The following UFD1 variants were observed in gnomAD, a reference collection of about 807,000 sequenced individuals.
The protein encoded by UFD1 is ubiquitin recognition factor in ER-associated degradation protein 1.
In UFD1, 13 loss-of-function variants were observed where a neutral mutation model predicts 45.9. The ratio of observed to expected loss-of-function variants is 0.28; its 90% CI spans 0.18 to 0.45. The LOEUF (loss-of-function observed/expected upper bound fraction) is 0.45, where lower values mean the gene tolerates loss of function less well. Among genes scored for constraint, UFD1 ranks in the 20% least tolerant of loss-of-function variants. The pLI, the probability that UFD1 is intolerant of heterozygous loss-of-function variation, is 1.00. For synonymous variants in UFD1, 128 were observed against 139.2 expected, an observed-to-expected ratio of 0.92 and a Z score of 0.56; for missense variants, 218 against 389.2, an observed-to-expected ratio of 0.56 and a Z score of 3.70.
intron 11 of UFD1, chr22:19,451,779 CTG>C: frequency 1.0e-6 from 1 of 985,448 alleles, no homozygotes; most frequent in Non-Finnish European, 1.2e-6. Flanking sequence ...GTGTCAATAG[CTG>C]TGTTTGGCTT....
chr22:19,469,517 G>C (rs911456584), intron 4 of UFD1, among the ~76,000 whole-genome samples: 14 of 152,178 alleles, frequency 9.2e-5, no homozygotes, highest in African/African-American at 3.4e-4. Context: ...CAGCATTTTA[G>C]AGCATACAGC....
intron 7 of UFD1, 56 bp from the exon 8 acceptor site, chr22:19,456,974 C>CT (rs1190231727): frequency 8.1e-7 from 1 of 1,240,946 alleles, no homozygotes. Context: ...CCTTGGCTTC[C>CT]TTTTTTGTTT....
Position 19,456,893 on chromosome 22 carries a change from T to C in UFD1, c.590A>G (p.Tyr197Cys). The stretch of plus-strand genomic sequence containing the variant: ...CTGGACTTGTCTTTCGGGTTCTTTG[T>C]AGCCCAGGGGAGCATCAAAGTCCAC... ...MNVDFDAPLG[Y>C]KEPERQVQHE... Residue 197 changes from tyrosine (Y) to cysteine (C), a missense_variant, in exon 8 of 12, where the codon TAC becomes TGC. Transcript: ENST00000263202. The C allele has an allele frequency of 6.2e-7, 1 of 1,608,506 alleles. No homozygotes were observed. The highest frequency in any genetic ancestry group is 8.5e-7 in the Non-Finnish European group (1 of 1,176,860).
chr22:19,478,118 C>T (rs1442778101), intron 1 of UFD1, among the ~76,000 whole-genome samples: 1 of 152,148 alleles, frequency 6.6e-6, no homozygotes, highest in South Asian at 2.1e-4. Context: ...TACTTAACAA[C>T]CTGCCTGCAG....
At chr22:19,451,120 CAAAAAAAA>C (rs34076964) in intron 11 of UFD1, 56 of 864,362 alleles carry the variant, frequency 6.5e-5, no homozygotes, top group African/African-American at 2.3e-4. Context: ...GACCCTGCCT[CAAAAAAAA>C]AAAAAAAAAA....
At chr22:19,474,539 T>A (rs186438746) in intron 3 of UFD1, among the ~76,000 whole-genome samples, 2 of 151,974 alleles carry the variant, frequency 1.3e-5, no homozygotes, top group East Asian at 3.9e-4. Context: ...AGAGCAAAAC[T>A]CTGTCTCAAA....
At position 19,474,403 on chromosome 22, in the gene UFD1, G is replaced by A. The variant is rs534953945; in HGVS notation, c.169+665C>T. The stretch of plus-strand genomic sequence containing the variant: ...CTACTAAAAATACAAAAAATTAGCC[G>A]GGCGTGGTGGCGGGTGCCTGTAATC... On this transcript the variant is annotated intron_variant, in intron 3 of 11. Transcript: ENST00000263202. 1.3e-4 allele frequency among the ~76,000 whole-genome samples: 20 copies of A among 152,172 alleles called. 1 individual carries two copies. Among genetic ancestry groups the A allele is most frequent in the African/African-American group, 1.2e-4 (5 of 41,528 alleles).
intron 4 of UFD1, 97 bp from the exon 5 acceptor site, chr22:19,468,100 C>T (rs1210033774): frequency 8.0e-6 from 12 of 1,504,358 alleles, no homozygotes; most frequent in South Asian, 1.3e-5. Context: ...TTACTTGGGT[C>T]CTTGGAAGAG....
chr22:19,460,452 ACTTTT>A (rs2089757954), intron 6 of UFD1, among the ~76,000 whole-genome samples: 1 of 152,184 alleles, frequency 6.6e-6, no homozygotes, highest in African/African-American at 2.4e-5. Flanking sequence ...TTTTCCATTT[ACTTTT>A]ATGTATTGGC....
rs2089672867 is a variant in UFD1, at chr22:19,450,574, C to T, written c.*96G>A. The T allele has an allele frequency of 2.0e-6, 3 of 1,467,676 alleles. No individual in the cohort carries two copies. The Admixed American group carries it at 5.4e-5, about 26-fold the overall frequency. The allele number at this position is 1,467,676 out of a possible 1,614,324, so 90.9% of individuals were successfully genotyped here. A position where few individuals can be genotyped will look rare whatever the true frequency, so the allele number is the denominator to read the frequency against. ...AATAAATCTTAAGTAACAGAGTATT[C>T]TCTGATGAGGCTCGTCCCTGTCAGT... is the stretch of plus-strand genomic sequence containing the variant. On this transcript the variant is annotated 3_prime_UTR_variant, in exon 12 of 12. Transcript: ENST00000263202.
At chr22:19,477,426 A>C (rs187595371) in intron 1 of UFD1, among the ~76,000 whole-genome samples, 7 of 152,342 alleles carry the variant, frequency 4.6e-5, no homozygotes, top group Admixed American at 2.6e-4. Flanking sequence ...CAAGTGAAGT[A>C]AGTCAGTCAT....
intron 8 of UFD1, 67 bp downstream of exon 8, chr22:19,456,786 A>C: frequency 6.2e-7 from 1 of 1,613,978 alleles, no homozygotes; most frequent in Admixed American, 1.7e-5. Context: ...GCCACCCACG[A>C]GCCACTGCCA....
At chr22:19,468,718 G>A (rs1568900341) in intron 4 of UFD1, among the ~76,000 whole-genome samples, 1 of 152,182 alleles carries the variant, frequency 6.6e-6, no homozygotes, top group Non-Finnish European at 1.5e-5. Context: ...AGCCGTAGAA[G>A]AGAGCTCCCA....
At chr22:19,475,660 A>G in intron 1 of UFD1, 58 bp from the exon 2 acceptor site, 1 of 1,589,790 alleles carries the variant, frequency 6.3e-7, no homozygotes, top group Non-Finnish European at 8.6e-7. Flanking sequence ...TCATGTCAAA[A>G]GCCAAAACAT....
At chr22:19,478,143 C>A (rs1230921657) in intron 1 of UFD1, among the ~76,000 whole-genome samples, 5 of 152,102 alleles carry the variant, frequency 3.3e-5, no homozygotes, top group Non-Finnish European at 7.4e-5. Context: ...CCCATGAACC[C>A]GACCTTCTGC....
intron 11 of UFD1, chr22:19,453,154 G>A (rs2089696498): frequency 1.0e-6 from 1 of 985,434 alleles, no homozygotes; most frequent in South Asian, 4.7e-5. Flanking sequence ...GGAGGGTAAT[G>A]CAGCTCTAAC....
At position 19,455,947 on chromosome 22, in the gene UFD1, G is replaced by T. The variant is rs532553969; in HGVS notation, c.679-179C>A. Reference sequence around the variant, plus strand: ...CTAAGAACTCTGCCCAGTTCCTCAGGGGGTGGCCATGAGCTGAAGACAGCC... The same window carrying T: ...CTAAGAACTCTGCCCAGTTCCTCAGTGGGTGGCCATGAGCTGAAGACAGCC... On this transcript the variant is annotated intron_variant, in intron 9 of 11. Coordinates refer to ENST00000263202, the MANE Select transcript of UFD1 (RefSeq NM_005659.7). Among the ~76,000 whole-genome samples, 4 of 152,330 alleles carry T rather than the reference G, an allele frequency of 2.6e-5. No individual in the cohort carries two copies. In the South Asian group the frequency reaches 8.3e-4, roughly 32 times the overall value.
intron 11 of UFD1, chr22:19,453,086 G>C (rs777002927): frequency 1.5e-5 from 15 of 985,444 alleles, no homozygotes; most frequent in Non-Finnish European, 1.7e-5. Flanking sequence ...CTTCACTTCA[G>C]AGATAGTAGT....
intron 9 of UFD1, 115 bp from the exon 10 acceptor site, chr22:19,455,883 A>AGTC: frequency 1.1e-6 from 1 of 917,368 alleles, no homozygotes; most frequent in Non-Finnish European, 1.7e-6. Context: ...CCCCTTCAGG[A>AGTC]CTGAAGCCCT....
Sources: gnomAD v4.1 joint callset for allele counts (sites outside exome capture counted in the v4.1 genomes callset) on GRCh38, gnomAD v4.1.1 for gene constraint, MANE v1.5 for transcripts, NCBI Gene and HGNC (gene_info 2026-07-23, HGNC 2026-07-21) for gene names.